The following MCC variants were observed in gnomAD, a reference collection of about 807,000 sequenced individuals.
MCC encodes colorectal mutant cancer protein.
A neutral mutation model predicts 116.2 loss-of-function variants in MCC; 90 were observed. The ratio of observed to expected loss-of-function variants is 0.77; its 90% confidence interval spans 0.65 to 0.92. The LOEUF is 0.92. MCC is among the 40% of genes least tolerant of loss of function. The probability of loss-of-function intolerance (pLI) is 0.00; values close to 1 mark genes in which losing one functional copy is unlikely to be tolerated. For synonymous variants in MCC, 578 were observed against 510.5 expected, an observed-to-expected ratio of 1.13 and a Z score of -1.78; for missense variants, 1,516 against 1,312.2, an observed-to-expected ratio of 1.16 and a Z score of -2.40.
intron 3 of MCC, among the ~76,000 whole-genome samples, chr5:113,262,039 C>CA (rs897046634): frequency 3.3e-5 from 5 of 151,748 alleles, no homozygotes; most frequent in African/African-American, 1.2e-4. Flanking sequence ...CTCACCAATT[C>CA]AAAAAAAGAT....
At chr5:113,138,561 T>C (rs1450397619) in intron 5 of MCC, among the ~76,000 whole-genome samples, 3 of 152,200 alleles carry the variant, frequency 2.0e-5, no homozygotes, top group African/African-American at 7.2e-5. Context: ...AATTAGCTTG[T>C]GTCTTAATCT....
intron 3 of MCC, among the ~76,000 whole-genome samples, chr5:113,184,445 C>G (rs1161241157): frequency 6.6e-6 from 1 of 151,312 alleles, no homozygotes; most frequent in African/African-American, 2.4e-5. Flanking sequence ...CACACTTTTC[C>G]CACATAGCAA....
intron 3 of MCC, among the ~76,000 whole-genome samples, chr5:113,253,486 A>G (rs1310349075): frequency 1.3e-5 from 2 of 152,124 alleles, no homozygotes; most frequent in Non-Finnish European, 2.9e-5. Context: ...GACACACCCT[A>G]AAGTGAAACC....
At position 113,022,351 on chromosome 5, in the gene MCC, T is replaced by C. The variant is rs1750201450; in HGVS notation, c.*4951A>G. ...AAAATGAGACTTTCAGTACAAACAG[T>C]AGAACAATACTGACAAATGCAAACT... On this transcript the variant is annotated 3_prime_UTR_variant, in exon 19 of 19. Transcript: ENST00000408903. 2.0e-5 allele frequency: 3 copies of C among 150,326 alleles called. No individual in the cohort carries two copies. The highest frequency in any genetic ancestry group is 7.3e-5 in the African/African-American group (3 of 41,278). The allele number at this position is 150,326 out of a possible 1,614,324, so 9.3% of individuals were successfully genotyped here. A position where few individuals can be genotyped will look rare whatever the true frequency, so the allele number is the denominator to read the frequency against.
chr5:113,094,824 G>T (rs915830840), intron 8 of MCC, among the ~76,000 whole-genome samples: 1 of 152,192 alleles, frequency 6.6e-6, no homozygotes, highest in South Asian at 2.1e-4. Context: ...AGGCACATGA[G>T]GCTGGGGTGA....
intron 8 of MCC, among the ~76,000 whole-genome samples, chr5:113,098,824 C>G (rs1360612511): frequency 6.6e-6 from 1 of 152,008 alleles, no homozygotes; most frequent in Non-Finnish European, 1.5e-5. Flanking sequence ...AGAAAGTGGC[C>G]CCAATTGCTC....
chr5:113,039,175 C>T (rs190846017), intron 17 of MCC, among the ~76,000 whole-genome samples: 4 of 152,326 alleles, frequency 2.6e-5, no homozygotes, highest in African/African-American at 9.6e-5. Context: ...TCCTGCCTCC[C>T]AGCACTGAGG....
chr5:113,187,861 C>T (rs1206087110), intron 3 of MCC, among the ~76,000 whole-genome samples: 2 of 152,224 alleles, frequency 1.3e-5, no homozygotes, highest in South Asian at 4.1e-4. Flanking sequence ...CAAATGTGAG[C>T]CATACTTTAG....
chr5:113,161,744 C>G (rs1396419009), intron 3 of MCC, among the ~76,000 whole-genome samples: 1 of 152,064 alleles, frequency 6.6e-6, no homozygotes, highest in African/African-American at 2.4e-5. Context: ...AAACTCAAGG[C>G]ACATGCTTCC....
chr5:113,098,041 T>A (rs1756142751), intron 8 of MCC, among the ~76,000 whole-genome samples: 1 of 152,196 alleles, frequency 6.6e-6, no homozygotes, highest in Non-Finnish European at 1.5e-5. Context: ...ATTCTGTAAA[T>A]CTGAAGAATT....
At chr5:113,372,327 A>G (rs1367405033) in intron 2 of MCC, among the ~76,000 whole-genome samples, 1 of 152,244 alleles carries the variant, frequency 6.6e-6, no homozygotes, top group Non-Finnish European at 1.5e-5. Flanking sequence ...AAAATCAGCA[A>G]GTAAGACTGA....
intron 3 of MCC, among the ~76,000 whole-genome samples, chr5:113,198,559 C>T (rs149541793): frequency 0.01 from 1,526 of 150,750 alleles, 30 homozygotes; most frequent in African/African-American, 0.035. Context: ...AAAAAAATAG[C>T]CGGGCATGAT....
intron 3 of MCC, among the ~76,000 whole-genome samples, chr5:113,179,700 T>G (rs1761513656): frequency 6.6e-6 from 1 of 152,148 alleles, no homozygotes; most frequent in South Asian, 2.1e-4. Context: ...TTCAAAAGGA[T>G]TTTGCTGTAA....
intron 3 of MCC, among the ~76,000 whole-genome samples, chr5:113,208,242 C>T (rs1420015874): frequency 6.6e-6 from 1 of 152,190 alleles, no homozygotes; most frequent in East Asian, 1.9e-4. Flanking sequence ...TCACAGTCAC[C>T]AGATATGATA....
At chr5:113,071,793 C>T (rs1754060876) in intron 11 of MCC, among the ~76,000 whole-genome samples, 1 of 152,170 alleles carries the variant, frequency 6.6e-6, no homozygotes, top group Non-Finnish European at 1.5e-5. Context: ...CAAATCCCAT[C>T]CTCATAATCA....
chr5:113,084,377 ATAT>A (rs1755058890), intron 9 of MCC, among the ~76,000 whole-genome samples, 187 bp from the exon 10 acceptor site: 1 of 152,186 alleles, frequency 6.6e-6, no homozygotes, highest in Non-Finnish European at 1.5e-5. Flanking sequence ...AGCACTGCTG[ATAT>A]TTTGGCTTGG....
intron 11 of MCC, among the ~76,000 whole-genome samples, chr5:113,077,810 G>A (rs571877708): frequency 1.4e-4 from 22 of 152,254 alleles, no homozygotes; most frequent in African/African-American, 5.3e-4. Context: ...TAAGATCAGA[G>A]CAGAACTGAA....
rs1333246101 is a variant in MCC at position 113,022,786 on chromosome 5, TTA to T, written c.*4514_*4515del. The T allele has an allele frequency of 6.6e-6, 1 of 152,236 alleles. No individual in the cohort carries two copies. The highest frequency in any genetic ancestry group is 1.5e-5 in the Non-Finnish European group (1 of 68,038). The allele number at this position is 152,236 out of a possible 1,614,324, so 9.4% of individuals were successfully genotyped here. On this transcript the variant is annotated 3_prime_UTR_variant, in exon 19 of 19. Transcript: ENST00000408903. ...TCTGCTGAGCTGATATTTCACCTGA[TTA>T]GCAGATGGATGACTGTGGAAAGATG...
intron 14 of MCC, among the ~76,000 whole-genome samples, chr5:113,062,152 T>G (rs1432213810): frequency 1.3e-5 from 2 of 152,228 alleles, no homozygotes; most frequent in Non-Finnish European, 1.5e-5. Context: ...TGTACTTTGA[T>G]GGGAAGATCC....
Sources: allele counts gnomAD v4.1 joint callset (sites outside exome capture counted in the v4.1 genomes callset), GRCh38; gene constraint gnomAD v4.1.1; transcripts MANE v1.5; gene names NCBI Gene and HGNC (gene_info 2026-07-23, HGNC 2026-07-21).